Variants in FGF1 observed in about 807,000 individuals in gnomAD.
FGF1 encodes fibroblast growth factor 1, also known as beta-endothelial cell growth factor.
Under a neutral mutation model 13.4 loss-of-function variants are expected in FGF1, and 9 were observed. The observed-to-expected ratio is 0.67, with a 90% CI of 0.40 to 1.17. The LOEUF is 1.17. FGF1 is among the 50% of genes most tolerant of loss of function. FGF1 has a pLI of 0.01. For synonymous variants in FGF1, 93 were observed against 79.0 expected (o/e 1.18, Z -0.94); for missense variants, 156 against 192.7 (o/e 0.81, Z 1.13).
chr5:142,599,639 G>T (rs1365061976), intron 3 of FGF1, among the ~76,000 whole-genome samples: 1 of 152,176 alleles, frequency 6.6e-6, no homozygotes, highest in East Asian at 1.9e-4. Context: ...GCAGTCATTG[G>T]TTTAAGCTGT....
At chr5:142,612,553 T>G (rs1188726532) in intron 2 of FGF1, among the ~76,000 whole-genome samples, 2 of 152,218 alleles carry the variant, frequency 1.3e-5, no homozygotes, top group African/African-American at 2.4e-5. Flanking sequence ...CACAATGGAC[T>G]ACAATCTAAG....
At chr5:142,623,847 C>T (rs1366537328) in intron 1 of FGF1, among the ~76,000 whole-genome samples, 1 of 151,030 alleles carries the variant, frequency 6.6e-6, no homozygotes, top group Non-Finnish European at 1.5e-5. Flanking sequence ...TTCCTGGGCT[C>T]AAGCGATCCT....
At chr5:142,650,273 C>G (rs906939932) in intron 1 of FGF1, among the ~76,000 whole-genome samples, 1 of 152,168 alleles carries the variant, frequency 6.6e-6, no homozygotes, top group African/African-American at 2.4e-5. Flanking sequence ...ACTCATTCTC[C>G]TTTAAAGAAG....
intron 2 of FGF1, among the ~76,000 whole-genome samples, chr5:142,603,823 T>C (rs1423799929): frequency 6.6e-6 from 1 of 152,182 alleles, no homozygotes; most frequent in African/African-American, 2.4e-5. Flanking sequence ...CAGTCTCTTT[T>C]TCAGTAAAAT....
chr5:142,690,646 G>C (rs1752045884), upstream of FGF1, among the ~76,000 whole-genome samples: 1 of 152,232 alleles, frequency 6.6e-6, no homozygotes, highest in Non-Finnish European at 1.5e-5. Context: ...CTTGCCTGGA[G>C]TATTGGGGTA....
chr5:142,630,643 T>A (rs568060555), intron 1 of FGF1, among the ~76,000 whole-genome samples: 2 of 152,296 alleles, frequency 1.3e-5, no homozygotes, highest in African/African-American at 4.8e-5. Context: ...CCACTGCATG[T>A]ACCCTTGGGT....
chr5:142,623,233 G>A (rs1165589186), intron 1 of FGF1, among the ~76,000 whole-genome samples: 4 of 152,270 alleles, frequency 2.6e-5, no homozygotes, highest in Admixed American at 2.6e-4. Context: ...TCTGCAAAAT[G>A]GGGCTGCATA....
intron 1 of FGF1, among the ~76,000 whole-genome samples, chr5:142,645,732 T>C (rs1765918327): frequency 6.6e-6 from 1 of 152,092 alleles, no homozygotes; most frequent in South Asian, 2.1e-4. Context: ...CCATTACTCC[T>C]CCATCCTTTC....
At chr5:142,603,154 C>T (rs1250570096) in intron 2 of FGF1, among the ~76,000 whole-genome samples, 10 of 152,190 alleles carry the variant, frequency 6.6e-5, no homozygotes, top group African/African-American at 1.7e-4. Context: ...CCTGCTCTCT[C>T]GAGCCTTCAG....
upstream of FGF1, among the ~76,000 whole-genome samples, chr5:142,688,766 T>C (rs1360607730): frequency 6.6e-6 from 1 of 152,234 alleles, no homozygotes; most frequent in African/African-American, 2.4e-5. Context: ...CATCCACATC[T>C]AAAATGTTGT....
At chr5:142,633,076 C>G (rs911898631) in intron 1 of FGF1, among the ~76,000 whole-genome samples, 2 of 152,144 alleles carry the variant, frequency 1.3e-5, no homozygotes, top group Non-Finnish European at 2.9e-5. Context: ...CCCGCCACCA[C>G]ACCCGGCTAA....
At chr5:142,597,686 C>A (rs1423284623) in intron 3 of FGF1, among the ~76,000 whole-genome samples, 1 of 152,194 alleles carries the variant, frequency 6.6e-6, no homozygotes, top group Admixed American at 6.5e-5. Flanking sequence ...CTCTCTTCAC[C>A]CACAGTGGTT....
At chr5:142,644,193 CA>C (rs1268245915) in intron 1 of FGF1, 1 of 152,274 alleles carries the variant, frequency 6.6e-6, no homozygotes, top group African/African-American at 2.4e-5. Flanking sequence ...AGGAATCCCC[CA>C]AGAGTCTGGC....
intron 1 of FGF1, among the ~76,000 whole-genome samples, chr5:142,619,177 A>G (rs562514): frequency 0.72 from 109,286 of 151,288 alleles, 40,736 homozygotes; most frequent in African/African-American, 0.92. Flanking sequence ...CTCGTGATCC[A>G]CCCGCCTCAG....
At chr5:142,654,741 AAC>A (rs1767847377) in intron 1 of FGF1, among the ~76,000 whole-genome samples, 1 of 152,218 alleles carries the variant, frequency 6.6e-6, no homozygotes, top group Non-Finnish European at 1.5e-5. Context: ...GTTGGAAGGA[AAC>A]ACTCCCTCTT....
At chr5:142,642,704 C>T (rs1045224381) in intron 1 of FGF1, among the ~76,000 whole-genome samples, 16 of 152,216 alleles carry the variant, frequency 1.1e-4, no homozygotes, top group African/African-American at 3.4e-4. Flanking sequence ...TCTGTGAAGG[C>T]CTTGCTGCAC....
At chr5:142,691,357 G>A (rs548237111) in intron 2 of FGF1, among the ~76,000 whole-genome samples, 5 of 151,810 alleles carry the variant, frequency 3.3e-5, no homozygotes, top group Non-Finnish European at 7.4e-5. Flanking sequence ...GGGAGGTGGA[G>A]GTTGCAGTGA....
intron 2 of FGF1, among the ~76,000 whole-genome samples, chr5:142,610,492 T>G (rs1186444012): frequency 6.6e-6 from 1 of 152,184 alleles, no homozygotes; most frequent in Non-Finnish European, 1.5e-5. Context: ...ACTGGCCATC[T>G]TCCCCTGGAC....
chr5:142,653,563 C>G (rs1767638814), intron 1 of FGF1, among the ~76,000 whole-genome samples: 1 of 152,160 alleles, frequency 6.6e-6, no homozygotes, highest in African/African-American at 2.4e-5. Flanking sequence ...TTCCTTTGCA[C>G]ACACTCTCCT....
Sources: allele counts gnomAD v4.1 joint callset (sites outside exome capture counted in the v4.1 genomes callset), GRCh38; gene constraint gnomAD v4.1.1; transcripts MANE v1.5; gene names NCBI Gene and HGNC (gene_info 2026-07-23, HGNC 2026-07-21).